Variants in CREB5 observed in about 807,000 individuals in gnomAD.
CREB5 encodes cyclic AMP-responsive element-binding protein 5.
CREB5 carries 19 observed loss-of-function variants against 57.1 expected under a neutral mutation model. The ratio of observed to expected loss-of-function variants is 0.33; its 90% CI spans 0.23 to 0.49. The LOEUF is 0.49. Ranked by LOEUF, CREB5 falls within the 20% of genes least tolerant of loss-of-function variation. CREB5 has a pLI of 0.99. For missense variants in CREB5, 579 were observed against 671.6 expected (o/e 0.86, Z 1.52); for synonymous variants, 238 against 238.3 (o/e 1.00, Z 0.01).
upstream of CREB5, chr7:28,409,493 C>A (rs895619551): frequency 1.1e-4 from 17 of 159,046 alleles, no homozygotes; most frequent in African/African-American, 3.9e-4. The surrounding 1 kb of genome is among the most constrained non-coding windows in gnomAD (Gnocchi z 4.4). Flanking sequence ...TTGCACTTGC[C>A]GCAGGAGCCA....
intron 5 of CREB5, among the ~76,000 whole-genome samples, chr7:28,686,699 G>C (rs1230390337): frequency 6.6e-6 from 1 of 152,156 alleles, no homozygotes; most frequent in Non-Finnish European, 1.5e-5. Flanking sequence ...GAGCGAGGGG[G>C]TCAGGGTTGC....
chr7:28,388,271 T>C (rs1448266244), intron 1 of CREB5, among the ~76,000 whole-genome samples: 1 of 152,208 alleles, frequency 6.6e-6, no homozygotes, highest in African/African-American at 2.4e-5. Flanking sequence ...TCAGAGAATA[T>C]GTAATATTCT....
chr7:28,695,668 A>G (rs1194326015), intron 5 of CREB5, among the ~76,000 whole-genome samples: 2 of 151,136 alleles, frequency 1.3e-5, no homozygotes, highest in African/African-American at 4.9e-5. Context: ...GCTTCCCACC[A>G]CTCTCTTCTC....
At chr7:28,663,962 C>G (rs1211515803) in intron 5 of CREB5, among the ~76,000 whole-genome samples, 1 of 152,162 alleles carries the variant, frequency 6.6e-6, no homozygotes, top group Non-Finnish European at 1.5e-5. Flanking sequence ...ATAAGTGCTT[C>G]TCAAACTTAG....
At chr7:28,628,716 A>G (rs1015674480) in intron 5 of CREB5, among the ~76,000 whole-genome samples, 16 of 152,120 alleles carry the variant, frequency 1.1e-4, no homozygotes, top group Non-Finnish European at 7.3e-5. Context: ...CATGTTATTG[A>G]TTTTCATGTA....
intron 1 of CREB5, among the ~76,000 whole-genome samples, chr7:28,460,759 G>A (rs1054443267): frequency 6.6e-6 from 1 of 152,080 alleles, no homozygotes; most frequent in Non-Finnish European, 1.5e-5. Context: ...TAAATGCTTC[G>A]TAAACGTCAG....
chr7:28,370,385 C>A (rs960751263), intron 1 of CREB5, among the ~76,000 whole-genome samples: 1 of 152,092 alleles, frequency 6.6e-6, no homozygotes, highest in African/African-American at 2.4e-5. Flanking sequence ...TAAATGAAAT[C>A]TTGTATGTGA....
chr7:28,817,710 C>T (rs979095054), intron 9 of CREB5, among the ~76,000 whole-genome samples: 2 of 152,134 alleles, frequency 1.3e-5, no homozygotes, highest in Admixed American at 1.3e-4. Context: ...TTCTTATCCC[C>T]ATCTTATAAC....
intron 1 of CREB5, among the ~76,000 whole-genome samples, chr7:28,346,471 C>T (rs1220797055): frequency 6.6e-6 from 1 of 152,226 alleles, no homozygotes; most frequent in Non-Finnish European, 1.5e-5. Flanking sequence ...GGTCCTGCCT[C>T]CTAATACCAT....
At chr7:28,711,291 G>T in intron 5 of CREB5, among the ~76,000 whole-genome samples, 1 of 152,224 alleles carries the variant, frequency 6.6e-6, no homozygotes, top group Non-Finnish European at 1.5e-5. Flanking sequence ...AAGAAAAGCA[G>T]ATGGGGAAAT....
intron 7 of CREB5, among the ~76,000 whole-genome samples, chr7:28,779,766 T>C (rs895728262): frequency 1.3e-5 from 2 of 152,142 alleles, no homozygotes; most frequent in African/African-American, 4.8e-5. Flanking sequence ...AACCCGTCCA[T>C]ATAACCCACC....
At chr7:28,531,380 C>T (rs972741354) in intron 4 of CREB5, among the ~76,000 whole-genome samples, 1 of 152,114 alleles carries the variant, frequency 6.6e-6, no homozygotes, top group Non-Finnish European at 1.5e-5. Context: ...TTTTGCTGGC[C>T]ATCTCTGGTG....
intron 1 of CREB5, among the ~76,000 whole-genome samples, chr7:28,368,092 T>C (rs2127993390): frequency 6.6e-6 from 1 of 152,172 alleles, no homozygotes; most frequent in Non-Finnish European, 1.5e-5. Flanking sequence ...ATACAAAAAA[T>C]AATTACAGGA....
intron 5 of CREB5, among the ~76,000 whole-genome samples, chr7:28,706,029 T>A (rs139679544): frequency 2.2e-3 from 339 of 152,314 alleles, no homozygotes; most frequent in African/African-American, 7.9e-3. Flanking sequence ...GAGTTTCTCC[T>A]GCTAATACAG....
chr7:28,315,897 G>T (rs892814375), intron 1 of CREB5, among the ~76,000 whole-genome samples: 3 of 152,196 alleles, frequency 2.0e-5, no homozygotes, highest in African/African-American at 7.2e-5. Flanking sequence ...TGATAATCTG[G>T]AAGTGATCAG....
chr7:28,679,474 T>G (rs531962866), intron 5 of CREB5, among the ~76,000 whole-genome samples: 14 of 152,278 alleles, frequency 9.2e-5, no homozygotes, highest in African/African-American at 3.4e-4. Context: ...TGATGAGATT[T>G]CAGGGTGTAA....
intron 1 of CREB5, among the ~76,000 whole-genome samples, chr7:28,404,533 T>C (rs1787538210): frequency 6.6e-6 from 1 of 152,186 alleles, no homozygotes; most frequent in African/African-American, 2.4e-5. Context: ...AGACATGCCG[T>C]GATCACCAAC....
intron 1 of CREB5, among the ~76,000 whole-genome samples, chr7:28,361,811 T>G (rs1786490831): frequency 6.6e-6 from 1 of 152,202 alleles, no homozygotes; most frequent in Admixed American, 6.5e-5. Flanking sequence ...AATAGCACTC[T>G]GTATTGTGTC....
chr7:28,316,502 C>T (rs144766460), intron 1 of CREB5, among the ~76,000 whole-genome samples: 198 of 151,834 alleles, frequency 1.3e-3, no homozygotes, highest in African/African-American at 4.5e-3. Flanking sequence ...AGCTTGGGAA[C>T]TAAATATTGT....
Sources: gnomAD v4.1 joint callset for allele counts (sites outside exome capture counted in the v4.1 genomes callset) on GRCh38, gnomAD v4.1.1 for gene constraint, Gnocchi (gnomAD v3.1) non-coding constraint, MANE v1.5 for transcripts, NCBI Gene and HGNC (gene_info 2026-07-23, HGNC 2026-07-21) for gene names.